The following TRIM58 variants were observed in gnomAD, a reference collection of about 807,000 sequenced individuals.
The protein encoded by TRIM58 is E3 ubiquitin-protein ligase TRIM58.
A neutral mutation model predicts 34.1 loss-of-function variants in TRIM58; 38 were observed. That is an observed-to-expected ratio of 1.12 (90% CI 0.86 to 1.46). TRIM58 has a LOEUF of 1.46. TRIM58 is among the 40% of genes most tolerant of loss of function. The probability of loss-of-function intolerance (pLI) is 0.00; values close to 1 mark genes in which losing one functional copy is unlikely to be tolerated. For missense variants in TRIM58, 677 were observed against 642.0 expected, an observed-to-expected ratio of 1.05 and a Z score of -0.59; for synonymous variants, 273 against 275.7, an observed-to-expected ratio of 0.99 and a Z score of 0.10.
chr1:247,859,245 CTG>C (rs751034753), intron 1 of TRIM58, among the ~76,000 whole-genome samples: 1 of 152,286 alleles, frequency 6.6e-6, no homozygotes, highest in Middle Eastern at 3.4e-3. Flanking sequence ...GTTTTCCTAA[CTG>C]TGCTACATCT....
intron 5 of TRIM58, among the ~76,000 whole-genome samples, chr1:247,873,292 A>T (rs1055057509): frequency 1.3e-5 from 2 of 151,110 alleles, no homozygotes; most frequent in Non-Finnish European, 3.0e-5. Context: ...GAAGATGGAC[A>T]TGCGCAGTTT....
intron 2 of TRIM58, among the ~76,000 whole-genome samples, chr1:247,863,453 A>T (rs978609087): frequency 6.6e-6 from 1 of 151,786 alleles, no homozygotes; most frequent in African/African-American, 2.4e-5. Flanking sequence ...CAGGAGAATC[A>T]CTTGAACCCA....
chr1:247,867,874 G>T lies in TRIM58; in HGVS notation c.770+7G>T, dbSNP rs1468709768. On this transcript the variant is annotated splice_region_variant and intron_variant, in intron 4 of 5. Coordinates refer to ENST00000366481, the MANE Select transcript of TRIM58 (RefSeq NM_015431.4). ...TGAGAGGAGTCCTGAGCAGGTATGT[G>T]TGCTTTCTGAATTGGTGAAGGGATT... The T allele has an allele frequency of 1.2e-6, 2 of 1,614,148 alleles. No individual in the cohort carries two copies. Among genetic ancestry groups the T allele is most frequent in the East Asian group, 2.2e-5 (1 of 44,870 alleles).
chr1:247,860,984 G>T (rs535502030), intron 2 of TRIM58, among the ~76,000 whole-genome samples: 18 of 152,212 alleles, frequency 1.2e-4, no homozygotes, highest in Non-Finnish European at 2.5e-4. Context: ...CTGTATCCCT[G>T]TCACCTAGAA....
At chr1:247,875,743 A>G (rs1039403961) in intron 5 of TRIM58, among the ~76,000 whole-genome samples, 157 bp from the exon 6 acceptor site, 1 of 152,144 alleles carries the variant, frequency 6.6e-6, no homozygotes, top group African/African-American at 2.4e-5. Flanking sequence ...AGTAATAAAG[A>G]AGATTTCACC....
chr1:247,872,048 T>A (rs1196583448), intron 5 of TRIM58, among the ~76,000 whole-genome samples: 1 of 152,108 alleles, frequency 6.6e-6, no homozygotes. Flanking sequence ...TGTGAGGATG[T>A]CAGTGTGAGG....
At chr1:247,864,680 G>A (rs756972642) in intron 2 of TRIM58, 25 bp from the exon 3 acceptor site, 16 of 1,611,570 alleles carry the variant, frequency 9.9e-6, no homozygotes, top group Non-Finnish European at 1.3e-5. Flanking sequence ...AAGCACTGAC[G>A]ATGTGATCCA....
At position 247,878,197 on chromosome 1, in the gene TRIM58, A is replaced by AAATG. The variant is rs1659334024; in HGVS notation, c.*1711_*1712insGAAT. The stretch of plus-strand genomic sequence containing the variant: ...TAAATAAATAAATAAATAAATAAAT[A>AAATG]AATAAATAAATATTACACAAATGCT... On this transcript the variant is annotated 3_prime_UTR_variant, in exon 6 of 6. Coordinates refer to ENST00000366481, the MANE Select transcript of TRIM58 (RefSeq NM_015431.4). 1 of 144,870 alleles carries AAATG rather than the reference A, an allele frequency of 6.9e-6. No individual in the cohort carries two copies. The highest frequency in any genetic ancestry group is 2.9e-5 in the African/African-American group (1 of 35,006). 9.0% of individuals were successfully genotyped at this position (144,870 alleles called of 1,614,324 possible).
Position 247,865,858 on chromosome 1 carries a change from A to G in TRIM58, c.747+923A>G, listed in dbSNP as rs1314000263. ...TCTAAACTAAGTGATGCATGTTCTC[A>G]TTTAAAAGCTGACCCACGGATTCCA... On this transcript the variant is annotated intron_variant, in intron 3 of 5. Coordinates refer to ENST00000366481, the MANE Select transcript of TRIM58 (RefSeq NM_015431.4). Among the ~76,000 whole-genome samples the G allele has an allele frequency of 3.3e-5, 5 of 152,296 alleles. No individual in the cohort carries two copies. In the East Asian group the frequency reaches 7.7e-4, roughly 24 times the overall value.
At chr1:247,865,605 G>T (rs1327508729) in intron 3 of TRIM58, among the ~76,000 whole-genome samples, 2 of 152,192 alleles carry the variant, frequency 1.3e-5, no homozygotes, top group Non-Finnish European at 2.9e-5. Flanking sequence ...GAGGGATTAC[G>T]TGGACTCCCG....
In TRIM58 at chr1:247,867,734, T is replaced by G. The variant is rs1663963785; in HGVS notation, c.748-111T>G. ...AGATTTATTGTCCCCTATAATTTTA[T>G]CTCAATAATGTTTTGCAGTAGTTTC... On this transcript the variant is annotated intron_variant, in intron 3 of 5. Transcript: ENST00000366481. 6.7e-6 allele frequency: 8 copies of G among 1,201,098 alleles called. No homozygotes were observed. The East Asian group carries it at 1.9e-4, about 28-fold the overall frequency. The allele number at this position is 1,201,098 out of a possible 1,614,324, so 74.4% of individuals were successfully genotyped here. A position where few individuals can be genotyped will look rare whatever the true frequency, so the allele number is the denominator to read the frequency against.
rs1663888889 is a variant in TRIM58 at position 247,864,989 on chromosome 1, T to G, written c.747+54T>G. 6.9e-6 allele frequency: 10 copies of G among 1,446,912 alleles called. No individual in the cohort carries two copies. The South Asian group carries it at 7.8e-5, about 11-fold the overall frequency. The allele number at this position is 1,446,912 out of a possible 1,614,324, so 89.6% of individuals were successfully genotyped here. A position where few individuals can be genotyped will look rare whatever the true frequency, so the allele number is the denominator to read the frequency against. On this transcript the variant is annotated intron_variant, in intron 3 of 5. Transcript: ENST00000366481. Reference sequence around the variant, plus strand: ...GATGTGAGACTCAGGTGACAGAGACTAGTACAATGGCTTTCAGAGACAAAC... The same window carrying G: ...GATGTGAGACTCAGGTGACAGAGACGAGTACAATGGCTTTCAGAGACAAAC...
intron 2 of TRIM58, among the ~76,000 whole-genome samples, chr1:247,863,579 T>C (rs976301847): frequency 6.6e-6 from 1 of 151,566 alleles, no homozygotes; most frequent in Admixed American, 6.6e-5. Context: ...TGACTTCACC[T>C]ACAAGGCCGT....
intron 2 of TRIM58, among the ~76,000 whole-genome samples, chr1:247,862,739 A>G (rs1393659459): frequency 6.6e-6 from 1 of 152,212 alleles, no homozygotes; most frequent in Non-Finnish European, 1.5e-5. Context: ...GTAAACTTGC[A>G]TGATCATTAC....
rs1404657286 is a variant in TRIM58, at chr1:247,864,794, G to A, written c.606G>A (p.Arg202=). ...CCCAGGAGGAGCAACGGCAGCTGAGGCGGCTGGAGGCGGAGGAGCGAGCGA... is the reference window on the plus strand; with the variant it reads ...CCCAGGAGGAGCAACGGCAGCTGAGACGGCTGGAGGCGGAGGAGCGAGCGA... The part of the protein sequence containing the change: ...FLAQEEQRQL[R]RLEAEERATL... Residue 202 remains arginine, a synonymous_variant, in exon 3 of 6, where the codon AGG becomes AGA. Coordinates refer to ENST00000366481, the MANE Select transcript of TRIM58 (RefSeq NM_015431.4). 1.9e-6 allele frequency: 3 copies of A among 1,614,026 alleles called. No individual in the cohort carries two copies. Among genetic ancestry groups the A allele is most frequent in the Admixed American group, 1.7e-5 (1 of 60,018 alleles).
At chr1:247,860,338 G>A (rs1663756337) in intron 1 of TRIM58, among the ~76,000 whole-genome samples, 1 of 152,048 alleles carries the variant, frequency 6.6e-6, no homozygotes, top group African/African-American at 2.4e-5. Flanking sequence ...ATGTGTGCCT[G>A]GAGTCCTAGC....
chr1:247,864,954 A>G lies in TRIM58; in HGVS notation c.747+19A>G, dbSNP rs2103326145. ...GCTGGAGGTGAGGCCGGGTGCCAGA[A>G]AAGCAGGCAGATGTGAGACTCAGGT... On this transcript the variant is annotated intron_variant, in intron 3 of 5. Transcript: ENST00000366481. 1 of 1,546,120 alleles carries G rather than the reference A, an allele frequency of 6.5e-7. No homozygotes were observed. Among genetic ancestry groups the G allele is most frequent in the Non-Finnish European group, 8.7e-7 (1 of 1,144,148 alleles).
In TRIM58 at chr1:247,864,918, GC is replaced by G. The variant is rs746499156; in HGVS notation, c.733del (p.Leu245TrpfsTer7). 45 of 1,580,692 alleles carry G rather than the reference GC, an allele frequency of 2.8e-5. No individual in the cohort carries two copies. The East Asian group carries it at 1.0e-3, about 35-fold the overall frequency. ...DELQERCQRP[A>X]LGLLEGVRGV... is the part of the protein sequence containing the mutation. ...GCTGCAGGAGAGGTGCCAGCGCCCGGCCCTGGGTCTGCTGGAGGTGAGGCCG... is the reference window on the plus strand; with the variant it reads ...GCTGCAGGAGAGGTGCCAGCGCCCGGCCTGGGTCTGCTGGAGGTGAGGCCG... On this transcript the variant is annotated frameshift_variant, in exon 3 of 6. Transcript: ENST00000366481. LOFTEE classifies it high-confidence loss of function.
At chr1:247,861,258 TACAC>T (rs1328868323) in intron 2 of TRIM58, among the ~76,000 whole-genome samples, 3 of 151,740 alleles carry the variant, frequency 2.0e-5, no homozygotes, top group Admixed American at 6.6e-5. Context: ...CAGTGATTCA[TACAC>T]ACACAGTGAT....
Sources: allele counts gnomAD v4.1 joint callset (sites outside exome capture counted in the v4.1 genomes callset), GRCh38; gene constraint gnomAD v4.1.1; transcripts MANE v1.5; gene names NCBI Gene and HGNC (gene_info 2026-07-23, HGNC 2026-07-21).